The following FHOD3 variants were observed in gnomAD, a reference collection of about 807,000 sequenced individuals.
FHOD3 encodes the protein FH1/FH2 domain-containing protein 3.
Under a neutral mutation model 173.0 loss-of-function variants are expected in FHOD3, and 90 were observed. The observed-to-expected ratio is 0.52, with a 90% CI of 0.44 to 0.62. The LOEUF is 0.62. Among genes scored for constraint, FHOD3 ranks in the 20% least tolerant of loss-of-function variants. The probability of loss-of-function intolerance (pLI) is 0.00; values close to 1 mark genes in which losing one functional copy is unlikely to be tolerated. For missense variants in FHOD3, 1,945 were observed against 2,034.7 expected, an observed-to-expected ratio of 0.96 and a Z score of 0.85; for synonymous variants, 828 against 823.0, an observed-to-expected ratio of 1.01 and a Z score of -0.10.
At chr18:36,464,121 T>C (rs1182513454) in intron 3 of FHOD3, among the ~76,000 whole-genome samples, 1 of 152,206 alleles carries the variant, frequency 6.6e-6, no homozygotes, top group African/African-American at 2.4e-5. Flanking sequence ...GACATTCAAC[T>C]TGGACCGTAT....
At chr18:36,688,670 T>G (rs1356457836) in intron 16 of FHOD3, among the ~76,000 whole-genome samples, 3 of 152,168 alleles carry the variant, frequency 2.0e-5, no homozygotes, top group Non-Finnish European at 2.9e-5. Context: ...ATTTTAGTTC[T>G]CCCCCCAGAT....
At chr18:36,607,734 CT>C (rs2064740788) in intron 8 of FHOD3, among the ~76,000 whole-genome samples, 1 of 152,092 alleles carries the variant, frequency 6.6e-6, no homozygotes, top group Non-Finnish European at 1.5e-5. Context: ...CAATATTTTT[CT>C]TAGAATTTTT....
chr18:36,497,494 C>T (rs555579282), intron 3 of FHOD3, among the ~76,000 whole-genome samples: 18 of 152,268 alleles, frequency 1.2e-4, no homozygotes, highest in African/African-American at 4.1e-4. Flanking sequence ...AGAAATTCTA[C>T]ATAGATAGTT....
chr18:36,485,097 G>C (rs1001435197), intron 3 of FHOD3, among the ~76,000 whole-genome samples: 3 of 152,128 alleles, frequency 2.0e-5, no homozygotes, highest in Non-Finnish European at 4.4e-5. Flanking sequence ...GTGGATGGGT[G>C]GTAGGTCTTC....
intron 3 of FHOD3, among the ~76,000 whole-genome samples, chr18:36,485,230 C>T (rs2054134284): frequency 6.6e-6 from 1 of 152,166 alleles, no homozygotes; most frequent in Non-Finnish European, 1.5e-5. Context: ...TGAAATAGTT[C>T]CACCAGCGAT....
chr18:36,640,935 C>G (rs1297185224), intron 10 of FHOD3, among the ~76,000 whole-genome samples: 4 of 152,164 alleles, frequency 2.6e-5, no homozygotes, highest in Admixed American at 6.5e-5. Context: ...GGAGTCTGGC[C>G]TGGATGTTAG....
At chr18:36,602,899 G>A (rs2031580959) in intron 8 of FHOD3, 131 bp downstream of exon 8, 3 of 693,822 alleles carry the variant, frequency 4.3e-6, no homozygotes, top group Non-Finnish European at 7.6e-6. Context: ...TTGTGAGGGT[G>A]GGCTCTGATG....
At chr18:36,409,175 G>C (rs1774216191) in intron 3 of FHOD3, among the ~76,000 whole-genome samples, 1 of 152,106 alleles carries the variant, frequency 6.6e-6, no homozygotes, top group Admixed American at 6.5e-5. Context: ...ACCTTCTTGG[G>C]GGGGTAATTC....
intron 10 of FHOD3, among the ~76,000 whole-genome samples, chr18:36,646,758 T>C (rs2035712081): frequency 6.6e-6 from 1 of 152,188 alleles, no homozygotes. Context: ...ACAGAGACTA[T>C]CTTTAAGACC....
intron 3 of FHOD3, among the ~76,000 whole-genome samples, chr18:36,378,032 C>T (rs140645768): frequency 6.6e-6 from 1 of 152,312 alleles, no homozygotes; most frequent in Non-Finnish European, 1.5e-5. Context: ...TTGCTGTGCT[C>T]CTCCCTGGTG....
chr18:36,747,940 C>T lies in FHOD3; in HGVS notation c.4232+805C>T, dbSNP rs150322323. ...TGCCTTTCCTTTCTTTCCTCATCTC[C>T]TTCTTTCACCTTCCTTAAGCCTATA... On this transcript the variant is annotated intron_variant, in intron 24 of 28. Transcript: ENST00000590592. Among the ~76,000 whole-genome samples, 471 of 152,210 alleles carry T rather than the reference C, an allele frequency of 3.1e-3. 3 individuals are homozygous for T. Among genetic ancestry groups the T allele is most frequent in the African/African-American group, 0.011 (449 of 41,530 alleles).
At chr18:36,594,441 T>TA (rs1208115791) in intron 6 of FHOD3, among the ~76,000 whole-genome samples, 1 of 152,098 alleles carries the variant, frequency 6.6e-6, no homozygotes, top group Non-Finnish European at 1.5e-5. Context: ...ATAGCTGGGG[T>TA]AAAACGAAGA....
chr18:36,705,861 C>T (rs2039845646), intron 17 of FHOD3, among the ~76,000 whole-genome samples: 1 of 151,994 alleles, frequency 6.6e-6, no homozygotes, highest in South Asian at 2.1e-4. Context: ...TCTCCCGTTT[C>T]CTCGGGACTT....
chr18:36,614,840 ATTTTTTTTTTTTTT>A (rs751719654), intron 9 of FHOD3, among the ~76,000 whole-genome samples: 3 of 86,196 alleles, frequency 3.5e-5, no homozygotes, highest in Non-Finnish European at 6.7e-5. Flanking sequence ...TTTTTAATTG[ATTTTTTTTTTTTTT>A]TTTTTTTTTT....
intron 3 of FHOD3, among the ~76,000 whole-genome samples, chr18:36,496,358 C>T (rs1300566466): frequency 6.6e-6 from 1 of 152,180 alleles, no homozygotes. Flanking sequence ...CTTCTACCAG[C>T]AGAAATTGTA....
intron 3 of FHOD3, among the ~76,000 whole-genome samples, chr18:36,412,369 T>C (rs942838867): frequency 5.3e-5 from 8 of 152,212 alleles, no homozygotes. Flanking sequence ...AACTAAAATT[T>C]ATAGAAATAT....
At chr18:36,393,052 G>T (rs921357395) in intron 3 of FHOD3, among the ~76,000 whole-genome samples, 1 of 152,204 alleles carries the variant, frequency 6.6e-6, no homozygotes, top group African/African-American at 2.4e-5. Context: ...CATGACCTTT[G>T]AGAAAGAAAG....
At chr18:36,489,726 G>T (rs1371952411) in intron 3 of FHOD3, among the ~76,000 whole-genome samples, 1 of 152,116 alleles carries the variant, frequency 6.6e-6, no homozygotes, top group Non-Finnish European at 1.5e-5. Flanking sequence ...TGAGTCTTGA[G>T]AAAATATGTA....
chr18:36,728,384 A>C (rs568114659), intron 19 of FHOD3, among the ~76,000 whole-genome samples: 5 of 152,340 alleles, frequency 3.3e-5, no homozygotes, highest in African/African-American at 9.6e-5. Flanking sequence ...TAGATTTAAA[A>C]GTTAAATTGA....
Sources: allele counts gnomAD v4.1 joint callset (sites outside exome capture counted in the v4.1 genomes callset), GRCh38; gene constraint gnomAD v4.1.1; transcripts MANE v1.5; gene names NCBI Gene and HGNC (gene_info 2026-07-23, HGNC 2026-07-21).